Variants in PUM3 observed in about 807,000 individuals in gnomAD.
PUM3 encodes the protein pumilio homolog 3.
In PUM3, 91 loss-of-function variants were observed where a neutral mutation model predicts 84.0. The ratio of observed to expected loss-of-function variants is 1.08; its 90% CI spans 0.91 to 1.29. The LOEUF (loss-of-function observed/expected upper bound fraction) is 1.29, where lower values mean the gene tolerates loss of function less well. Ranked by LOEUF, PUM3 falls within the 50% of genes most tolerant of loss-of-function variation. The probability of loss-of-function intolerance (pLI) is 0.00; values close to 1 mark genes in which losing one functional copy is unlikely to be tolerated. For synonymous variants in PUM3, 321 were observed against 266.7 expected (o/e 1.20, Z -1.98); for missense variants, 1,067 against 767.5 (o/e 1.39, Z -4.61).
At chr9:2,811,193 G>A (rs1055508492) in intron 15 of PUM3, among the ~76,000 whole-genome samples, 168 bp downstream of exon 15, 1 of 152,160 alleles carries the variant, frequency 6.6e-6, no homozygotes, top group African/African-American at 2.4e-5. Flanking sequence ...TGACCCAGAT[G>A]GTTAGAGAAA....
intron 3 of PUM3, among the ~76,000 whole-genome samples, chr9:2,834,975 A>G (rs908754770): frequency 2.0e-5 from 3 of 151,748 alleles, no homozygotes; most frequent in Non-Finnish European, 2.9e-5. Flanking sequence ...AGTCACTTCT[A>G]ACTATCTCCC....
At chr9:2,806,193 G>A (rs973800303) in intron 17 of PUM3, among the ~76,000 whole-genome samples, 1 of 152,130 alleles carries the variant, frequency 6.6e-6, no homozygotes, top group African/African-American at 2.4e-5. Context: ...TTAATTGAGT[G>A]TAATGAAAGA....
intron 12 of PUM3, among the ~76,000 whole-genome samples, chr9:2,822,176 T>C (rs770520978): frequency 6.6e-6 from 1 of 152,166 alleles, no homozygotes; most frequent in Non-Finnish European, 1.5e-5. Flanking sequence ...AATTTTAACA[T>C]GTTTCTCTCA....
In PUM3 at chr9:2,811,587, T is replaced by C. The variant is rs766660553; in HGVS notation, c.1413-4A>G. ...GCGGACCTCTGTATCTTTCTTACTG[T>C]TGAGTATGTTGAACGGGGTATTAAG... On this transcript the variant is annotated splice_region_variant and splice_polypyrimidine_tract_variant and intron_variant, in intron 14 of 17. Coordinates refer to ENST00000397885, the MANE Select transcript of PUM3 (RefSeq NM_014878.5). 1.2e-6 allele frequency: 2 copies of C among 1,607,310 alleles called. No individual in the cohort carries two copies. The highest frequency in any genetic ancestry group is 1.1e-5 in the South Asian group (1 of 90,906).
chr9:2,830,568 C>A (rs1238976054), intron 7 of PUM3, among the ~76,000 whole-genome samples: 2 of 152,166 alleles, frequency 1.3e-5, no homozygotes, highest in Admixed American at 1.3e-4. Context: ...GATAAACATT[C>A]ACAAATCATC....
chr9:2,824,080 T>C (rs576259675), intron 11 of PUM3, among the ~76,000 whole-genome samples: 3 of 152,132 alleles, frequency 2.0e-5, no homozygotes, highest in East Asian at 3.9e-4. Flanking sequence ...AGGGTTAGGG[T>C]TTGCAAGCCA....
At chr9:2,835,100 A>C (rs569044294) in intron 3 of PUM3, among the ~76,000 whole-genome samples, 4 of 152,180 alleles carry the variant, frequency 2.6e-5, no homozygotes, top group African/African-American at 9.6e-5. Flanking sequence ...TCTTCTCCAT[A>C]CATGTTTTAA....
Position 2,811,596 on chromosome 9 carries a change from T to C in PUM3, c.1413-13A>G, listed in dbSNP as rs754572755. 2.3e-5 allele frequency: 37 copies of C among 1,592,538 alleles called. No homozygotes were observed. The highest frequency in any genetic ancestry group is 3.0e-5 in the Non-Finnish European group (35 of 1,161,030). The stretch of plus-strand genomic sequence containing the variant: ...TGTATCTTTCTTACTGTTGAGTATG[T>C]TGAACGGGGTATTAAGGTAAGATAA... On this transcript the variant is annotated splice_polypyrimidine_tract_variant and intron_variant, in intron 14 of 17. Coordinates refer to ENST00000397885, the MANE Select transcript of PUM3 (RefSeq NM_014878.5).
chr9:2,833,245 C>A, intron 5 of PUM3, 112 bp downstream of exon 5: 2 of 517,676 alleles, frequency 3.9e-6, no homozygotes, highest in South Asian at 3.7e-5. Flanking sequence ...AAACTTTTGG[C>A]CAAATACACC....
At position 2,830,960 on chromosome 9, in the gene PUM3, ACC is replaced by A; in HGVS notation, c.677_677+1del. 7.3e-7 allele frequency: 1 copy of A among 1,367,660 alleles called. No individual in the cohort carries two copies. The highest frequency in any genetic ancestry group is 1.0e-6 in the Non-Finnish European group (1 of 965,326). The allele number at this position is 1,367,660 out of a possible 1,614,324, so 84.7% of individuals were successfully genotyped here. On this transcript the variant is annotated splice_donor_variant and coding_sequence_variant, in exon 7 of 18. Coordinates refer to ENST00000397885, the MANE Select transcript of PUM3 (RefSeq NM_014878.5). LOFTEE classifies it high-confidence loss of function. ...ATGTATTTTATACATAAAACAACTT[ACC>A]CATACATGAGAAATTTCTTAACAAT... is the stretch of plus-strand genomic sequence containing the variant.
chr9:2,832,011 C>T lies in PUM3; in HGVS notation c.517-667G>A, dbSNP rs184606006. 1.2e-4 allele frequency among the ~76,000 whole-genome samples: 18 copies of T among 152,262 alleles called. No homozygotes were observed. The East Asian group carries it at 1.7e-3, about 15-fold the overall frequency. ...GACCAATTTTCTAGAGCGCCCTCCA[C>T]GAATCATCCATCATGCAAAATTATT... On this transcript the variant is annotated intron_variant, in intron 5 of 17. Transcript: ENST00000397885.
chr9:2,834,218 A>C (rs757451181), intron 3 of PUM3, 52 bp from the exon 4 acceptor site: 11 of 1,500,910 alleles, frequency 7.3e-6, no homozygotes, highest in Non-Finnish European at 1.0e-5. Context: ...TAAGTGTCAT[A>C]CACCAATACA....
chr9:2,826,030 A>AT (rs770418464), intron 10 of PUM3, among the ~76,000 whole-genome samples: 1 of 152,142 alleles, frequency 6.6e-6, no homozygotes, highest in Non-Finnish European at 1.5e-5. Context: ...TGAACTTAGG[A>AT]ATCTCTTCAG....
At chr9:2,834,833 A>T (rs146603950) in intron 3 of PUM3, among the ~76,000 whole-genome samples, 3 of 151,434 alleles carry the variant, frequency 2.0e-5, no homozygotes, top group Admixed American at 2.0e-4. Flanking sequence ...AAAGTCGAAT[A>T]TCTATCACCA....
chr9:2,810,450 A>T lies in PUM3; in HGVS notation c.1636-19T>A. The T allele has an allele frequency of 1.3e-6, 2 of 1,539,972 alleles. No individual in the cohort carries two copies. The highest frequency in any genetic ancestry group is 1.8e-6 in the Non-Finnish European group (2 of 1,129,302). On this transcript the variant is annotated intron_variant, in intron 15 of 17. Transcript: ENST00000397885. ...TGTGAAGCTATGAAGGGTCAAGAACAGTTAATTTTAAAAGTTGTTTTCATT... is the reference window on the plus strand; with the variant it reads ...TGTGAAGCTATGAAGGGTCAAGAACTGTTAATTTTAAAAGTTGTTTTCATT...
intron 12 of PUM3, 44 bp downstream of exon 12, chr9:2,823,737 T>G (rs1815730449): frequency 1.1e-6 from 1 of 876,954 alleles, no homozygotes; most frequent in Non-Finnish European, 1.7e-6. Context: ...TGAATTCATC[T>G]TACTATCAAA....
At chr9:2,831,400 T>C in intron 5 of PUM3, 56 bp from the exon 6 acceptor site, 9 of 1,090,614 alleles carry the variant, frequency 8.3e-6, no homozygotes, top group Non-Finnish European at 1.1e-5. Flanking sequence ...TGTTTCTCAC[T>C]AATTTATTGT....
At chr9:2,806,989 AC>A (rs1317088243) in intron 17 of PUM3, among the ~76,000 whole-genome samples, 1 of 152,102 alleles carries the variant, frequency 6.6e-6, no homozygotes, top group African/African-American at 2.4e-5. Flanking sequence ...TGGGCAGATC[AC>A]GAGGTCAGGA....
chr9:2,827,703 A>G (rs1026331307), intron 9 of PUM3, among the ~76,000 whole-genome samples: 1 of 152,222 alleles, frequency 6.6e-6, no homozygotes, highest in South Asian at 2.1e-4. Context: ...TAAAAGACCT[A>G]AAGTTCACAG....
Sources: allele counts gnomAD v4.1 joint callset (sites outside exome capture counted in the v4.1 genomes callset), GRCh38; gene constraint gnomAD v4.1.1; transcripts MANE v1.5; gene names NCBI Gene and HGNC (gene_info 2026-07-23, HGNC 2026-07-21).